Variants in AUTS2 observed in about 807,000 individuals in gnomAD.
AUTS2 encodes activator of transcription and developmental regulator AUTS2.
In AUTS2, 17 loss-of-function variants were observed where a neutral mutation model predicts 112.4. The ratio of observed to expected loss-of-function variants is 0.15; its 90% CI spans 0.10 to 0.23. AUTS2 has a LOEUF of 0.23. Among genes scored for constraint, AUTS2 ranks in the 10% least tolerant of loss-of-function variants. AUTS2 has a pLI of 1.00. For missense variants in AUTS2, 1,510 were observed against 1,701.6 expected, an observed-to-expected ratio of 0.89 and a Z score of 1.98; for synonymous variants, 751 against 702.7, an observed-to-expected ratio of 1.07 and a Z score of -1.09.
chr7:69,776,403 G>T (rs1216057464), intron 1 of AUTS2, among the ~76,000 whole-genome samples: 1 of 152,024 alleles, frequency 6.6e-6, no homozygotes, highest in Non-Finnish European at 1.5e-5. Flanking sequence ...TCTTGCAGGG[G>T]TTTCCCAAAT....
At chr7:70,582,300 C>T (rs111490762) in intron 5 of AUTS2, among the ~76,000 whole-genome samples, 9 of 152,300 alleles carry the variant, frequency 5.9e-5, no homozygotes, top group Middle Eastern at 6.8e-3. Flanking sequence ...CATCCTCTCC[C>T]TTCTCCCCAG....
intron 4 of AUTS2, among the ~76,000 whole-genome samples, chr7:70,296,507 T>C (rs755327249): frequency 6.6e-6 from 1 of 152,360 alleles, no homozygotes; most frequent in Middle Eastern, 3.4e-3. Flanking sequence ...ACGTACAGTT[T>C]TGTGTCCTGC....
chr7:70,267,562 G>A (rs1265970595), intron 4 of AUTS2, among the ~76,000 whole-genome samples: 1 of 152,168 alleles, frequency 6.6e-6, no homozygotes, highest in Non-Finnish European at 1.5e-5. Context: ...GGGGACAGAG[G>A]CAGACAGCTC....
intron 1 of AUTS2, among the ~76,000 whole-genome samples, chr7:69,862,374 C>G (rs918536478): frequency 6.6e-6 from 1 of 152,062 alleles, no homozygotes; most frequent in Admixed American, 6.5e-5. Flanking sequence ...GAAATGAAAA[C>G]GAACCCACAA....
chr7:70,538,498 C>G (rs1232809933), intron 5 of AUTS2, among the ~76,000 whole-genome samples: 2 of 152,132 alleles, frequency 1.3e-5, no homozygotes. Flanking sequence ...CTGCTGCACT[C>G]TAGCCTGGGC....
At chr7:69,877,953 T>A (rs1438333467) in intron 1 of AUTS2, among the ~76,000 whole-genome samples, 1 of 151,980 alleles carries the variant, frequency 6.6e-6, no homozygotes, top group East Asian at 1.9e-4. Flanking sequence ...CATCTTTTGG[T>A]GTAAGCAGCA....
At chr7:70,344,615 T>C (rs1791411753) in intron 4 of AUTS2, among the ~76,000 whole-genome samples, 1 of 152,168 alleles carries the variant, frequency 6.6e-6, no homozygotes, top group Non-Finnish European at 1.5e-5. Flanking sequence ...GTGACCTTAT[T>C]TTAAAAGATG....
At position 70,125,245 on chromosome 7, in the gene AUTS2, ATGTGTGTGTGTGTGTGTGTGTGTGTG is replaced by A. The variant is rs59747508; in HGVS notation, c.624+7028_624+7053del. ...TGGGATACAATTTTGTTATTTGGAG[ATGTGTGTGTGTGTGTGTGTGTGTGTG>A]TGTGTGTGTGTGTGTTTTTAATGTT... On this transcript the variant is annotated intron_variant, in intron 3 of 18. Coordinates refer to ENST00000342771, the MANE Select transcript of AUTS2 (RefSeq NM_015570.4). Among the ~76,000 whole-genome samples the A allele has an allele frequency of 2.1e-5, 3 of 144,794 alleles. No individual in the cohort carries two copies. The Admixed American group carries it at 2.1e-4, about 10-fold the overall frequency. The allele number at this position is 144,794 out of a possible 152,430, so 95.0% of individuals were successfully genotyped here.
At chr7:70,185,723 T>A (rs1459596610) in intron 4 of AUTS2, among the ~76,000 whole-genome samples, 6 of 152,180 alleles carry the variant, frequency 3.9e-5, no homozygotes, top group African/African-American at 1.4e-4. Context: ...GCCTATGTAG[T>A]TTGGACCTTC....
At chr7:69,691,331 C>T (rs939742461) in intron 1 of AUTS2, among the ~76,000 whole-genome samples, 15 of 152,124 alleles carry the variant, frequency 9.9e-5, no homozygotes, top group Admixed American at 4.6e-4. Flanking sequence ...ACCTGTCTGC[C>T]TCCCACCGTC....
chr7:69,982,391 T>G (rs1455921325), intron 2 of AUTS2, among the ~76,000 whole-genome samples: 1 of 152,196 alleles, frequency 6.6e-6, no homozygotes, highest in Non-Finnish European at 1.5e-5. Context: ...CTAAGAAAGA[T>G]TAAAAGAACA....
chr7:70,712,657 C>T (rs1328413837), intron 6 of AUTS2, among the ~76,000 whole-genome samples: 1 of 152,162 alleles, frequency 6.6e-6, no homozygotes, highest in Non-Finnish European at 1.5e-5. Flanking sequence ...ATGCAGACGA[C>T]TGTGGTCCAG....
At chr7:69,914,551 A>G (rs1036254325) in intron 2 of AUTS2, among the ~76,000 whole-genome samples, 1 of 151,824 alleles carries the variant, frequency 6.6e-6, no homozygotes, top group African/African-American at 2.4e-5. Context: ...CTGTTCTCCC[A>G]TGGAATCTAT....
chr7:69,631,370 C>G (rs1794236686), intron 1 of AUTS2, among the ~76,000 whole-genome samples: 1 of 152,064 alleles, frequency 6.6e-6, no homozygotes, highest in African/African-American at 2.4e-5. Flanking sequence ...TGTTTTCTGT[C>G]CTACTTAAAA....
At chr7:69,715,728 A>G (rs995030742) in intron 1 of AUTS2, among the ~76,000 whole-genome samples, 3 of 152,236 alleles carry the variant, frequency 2.0e-5, no homozygotes, top group Non-Finnish European at 1.5e-5. Context: ...ATCATTATTC[A>G]AATTTCCCAA....
chr7:69,742,541 A>G lies in AUTS2; in HGVS notation c.309+142579A>G, dbSNP rs1014196912. On this transcript the variant is annotated intron_variant, in intron 1 of 18. Transcript: ENST00000342771. The stretch of plus-strand genomic sequence containing the variant: ...GGTTGGGATGTCCATACTTTGACTA[A>G]CTTTTTACATTATTTTCTTAAAACT... 2.0e-5 allele frequency among the ~76,000 whole-genome samples: 3 copies of G among 152,144 alleles called. No individual in the cohort carries two copies. The East Asian group carries it at 5.8e-4, about 29-fold the overall frequency.
chr7:70,043,286 G>T (rs921240759), intron 2 of AUTS2, among the ~76,000 whole-genome samples: 11 of 151,948 alleles, frequency 7.2e-5, no homozygotes, highest in Admixed American at 5.9e-4. Flanking sequence ...AAATGCCAGG[G>T]TCATATTGTA....
intron 5 of AUTS2, among the ~76,000 whole-genome samples, chr7:70,528,093 A>ATTTTTTTTTTTTTTTTTTTTTTT (rs10651355): frequency 3.1e-5 from 3 of 97,276 alleles, no homozygotes; most frequent in African/African-American, 4.5e-5. Flanking sequence ...AAATTTAAGG[A>ATTTTTTTTTTTTTTTTTTTTTTT]TTTTTTTTTT....
At chr7:70,596,782 G>T (rs910632020) in intron 5 of AUTS2, 7 of 152,114 alleles carry the variant, frequency 4.6e-5, no homozygotes, top group Non-Finnish European at 1.0e-4. Context: ...TAGAGAAGAG[G>T]ACCCAACTCC....
Sources: allele counts gnomAD v4.1 joint callset (sites outside exome capture counted in the v4.1 genomes callset), GRCh38; gene constraint gnomAD v4.1.1; transcripts MANE v1.5; gene names NCBI Gene and HGNC (gene_info 2026-07-23, HGNC 2026-07-21).